Variants in C8orf34 observed in about 807,000 individuals in gnomAD.
C8orf34 encodes the protein uncharacterized protein C8orf34.
Under a neutral mutation model 68.3 loss-of-function variants are expected in C8orf34, and 65 were observed. That is an observed-to-expected ratio of 0.95 (90% confidence interval 0.78 to 1.17). The LOEUF (loss-of-function observed/expected upper bound fraction) is 1.17. C8orf34 is among the 50% of genes most tolerant of loss of function. C8orf34 has a pLI of 0.00. For synonymous variants in C8orf34, 244 were observed against 241.2 expected (o/e 1.01, Z -0.11); for missense variants, 664 against 655.4 (o/e 1.01, Z -0.14).
intron 1 of C8orf34, among the ~76,000 whole-genome samples, chr8:68,348,630 T>C (rs1282304055): frequency 6.6e-6 from 1 of 152,108 alleles, no homozygotes; most frequent in African/African-American, 2.4e-5. Context: ...GTGTCTTCTC[T>C]GATTTCTTTG....
chr8:68,698,887 T>C (rs989988162), intron 8 of C8orf34, among the ~76,000 whole-genome samples: 3 of 152,096 alleles, frequency 2.0e-5, no homozygotes, highest in Non-Finnish European at 2.9e-5. Flanking sequence ...CAGCATCCCC[T>C]GGTAGAGTCT....
At chr8:68,622,894 A>G in intron 7 of C8orf34, among the ~76,000 whole-genome samples, 1 of 152,286 alleles carries the variant, frequency 6.6e-6, no homozygotes, top group Middle Eastern at 3.4e-3. Flanking sequence ...GTGTCATGAC[A>G]TTTTCCATAA....
chr8:68,776,333 C>T (rs1018648857), intron 10 of C8orf34, 66 bp from the exon 11 acceptor site: 88 of 1,248,388 alleles, frequency 7.0e-5, no homozygotes, highest in East Asian at 3.3e-4. Flanking sequence ...CCACTCTCCA[C>T]GATTCTTTCA....
At chr8:68,476,862 C>T (rs1812641298) in intron 4 of C8orf34, among the ~76,000 whole-genome samples, 1 of 152,198 alleles carries the variant, frequency 6.6e-6, no homozygotes, top group Non-Finnish European at 1.5e-5. Flanking sequence ...TTGGCTGAAA[C>T]TGGCTTAAAG....
At chr8:68,407,636 T>G (rs1809257151) in intron 1 of C8orf34, among the ~76,000 whole-genome samples, 1 of 152,168 alleles carries the variant, frequency 6.6e-6, no homozygotes, top group African/African-American at 2.4e-5. Context: ...AGGGAATTAT[T>G]ATTACTTTTT....
At chr8:68,712,462 G>C (rs575048895) in intron 9 of C8orf34, among the ~76,000 whole-genome samples, 7 of 152,120 alleles carry the variant, frequency 4.6e-5, no homozygotes, top group African/African-American at 1.7e-4. Flanking sequence ...AACACATAAG[G>C]ACTCATATAA....
chr8:68,602,650 G>A (rs1401127967), intron 7 of C8orf34, among the ~76,000 whole-genome samples: 3 of 152,066 alleles, frequency 2.0e-5, no homozygotes, highest in South Asian at 2.1e-4. Flanking sequence ...AACCATATGA[G>A]GAAGTAAAGC....
At chr8:68,367,912 G>GAAAAAAAAAAAAAAAA (rs61562318) in intron 1 of C8orf34, among the ~76,000 whole-genome samples, 2,055 of 78,996 alleles carry the variant, frequency 0.026, 3 homozygotes, top group Middle Eastern at 0.067. Flanking sequence ...AAAAAGAAAA[G>GAAAAAAAAAAAAAAAA]AAAAAAAAAA....
At chr8:68,769,248 T>C (rs891586589) in intron 10 of C8orf34, among the ~76,000 whole-genome samples, 1 of 151,976 alleles carries the variant, frequency 6.6e-6, no homozygotes, top group African/African-American at 2.4e-5. Flanking sequence ...CTGCCAATCT[T>C]CAATGTTTGT....
intron 1 of C8orf34, among the ~76,000 whole-genome samples, chr8:68,373,703 A>G (rs576894450): frequency 1.3e-4 from 20 of 152,290 alleles, no homozygotes; most frequent in African/African-American, 4.8e-4. Context: ...AAAATAAAGT[A>G]TGTTTTCTCT....
At chr8:68,807,027 G>C (rs915192188) in intron 12 of C8orf34, among the ~76,000 whole-genome samples, 5 of 152,174 alleles carry the variant, frequency 3.3e-5, no homozygotes, top group African/African-American at 1.2e-4. Context: ...CAAAGACCTT[G>C]ATTTCTCTCC....
chr8:68,786,690 T>C (rs1469928036), intron 11 of C8orf34, among the ~76,000 whole-genome samples: 1 of 152,146 alleles, frequency 6.6e-6, no homozygotes, highest in African/African-American at 2.4e-5. Flanking sequence ...ATAGAACATG[T>C]TAGACAAGTA....
chr8:68,686,399 C>G (rs1820519501), intron 8 of C8orf34, among the ~76,000 whole-genome samples: 1 of 152,042 alleles, frequency 6.6e-6, no homozygotes, highest in Admixed American at 6.6e-5. Context: ...TACCAACTAA[C>G]CAAATCCAAG....
At chr8:68,338,374 G>A (rs74813699) in intron 1 of C8orf34, among the ~76,000 whole-genome samples, 65 of 152,206 alleles carry the variant, frequency 4.3e-4, no homozygotes, top group African/African-American at 1.6e-3. Flanking sequence ...GAATTTCCTG[G>A]AAATTACCTT....
At chr8:68,368,809 T>C (rs1185196367) in intron 1 of C8orf34, among the ~76,000 whole-genome samples, 2 of 152,208 alleles carry the variant, frequency 1.3e-5, no homozygotes, top group African/African-American at 2.4e-5. Context: ...CTGGAAGAAA[T>C]TGATTCAGGT....
rs59003086 is a variant in C8orf34, at chr8:68,359,516, C to T, written c.327+28177C>T. On this transcript the variant is annotated intron_variant, in intron 1 of 13. Coordinates refer to ENST00000518698, the MANE Select transcript of C8orf34 (RefSeq NM_052958.4). ...AATTGAAGAGACCAACCCAGAAGTG[C>T]TGGTGATAAGAGGGCAGTAGTATGT... is the stretch of plus-strand genomic sequence containing the variant. 8.2e-3 allele frequency among the ~76,000 whole-genome samples: 1,241 copies of T among 152,234 alleles called. 41 individuals carry two copies. In the East Asian group the frequency reaches 0.1, roughly 13 times the overall value.
intron 10 of C8orf34, among the ~76,000 whole-genome samples, chr8:68,727,735 C>T (rs1821873546): frequency 6.6e-6 from 1 of 152,236 alleles, no homozygotes; most frequent in South Asian, 2.1e-4. Context: ...GGCTTCCACC[C>T]TCTGAAGCCA....
intron 1 of C8orf34, among the ~76,000 whole-genome samples, chr8:68,382,558 A>T (rs1276201663): frequency 6.6e-6 from 1 of 152,158 alleles, no homozygotes; most frequent in Admixed American, 6.5e-5. Flanking sequence ...TTAGGTTCAG[A>T]AGCATTTCTA....
chr8:68,546,953 G>A (rs1031414377), intron 7 of C8orf34, among the ~76,000 whole-genome samples: 3 of 151,648 alleles, frequency 2.0e-5, no homozygotes, highest in African/African-American at 4.8e-5. Context: ...GAAACCCAGA[G>A]CTTTAAACAA....
Sources: gnomAD v4.1 joint callset for allele counts (sites outside exome capture counted in the v4.1 genomes callset) on GRCh38, gnomAD v4.1.1 for gene constraint, MANE v1.5 for transcripts, NCBI Gene and HGNC (gene_info 2026-07-23, HGNC 2026-07-21) for gene names.